NKAIN3: variants seen among roughly 807,000 people sequenced by gnomAD.
NKAIN3 encodes sodium/potassium transporting ATPase interacting 3.
NKAIN3 carries 25 observed loss-of-function variants against 30.2 expected under a neutral mutation model. That is an observed-to-expected ratio of 0.83 (90% CI 0.60 to 1.16). The LOEUF is 1.16. Among genes scored for constraint, NKAIN3 ranks in the 50% most tolerant of loss-of-function variants. NKAIN3 has a pLI of 0.00. For synonymous variants in NKAIN3, 91 were observed against 89.6 expected, an observed-to-expected ratio of 1.02 and a Z score of -0.09; for missense variants, 225 against 254.1, an observed-to-expected ratio of 0.89 and a Z score of 0.78.
intron 1 of NKAIN3, among the ~76,000 whole-genome samples, chr8:62,384,896 G>A (rs530931057): frequency 1.5e-4 from 23 of 152,232 alleles, no homozygotes; most frequent in Non-Finnish European, 2.6e-4. Flanking sequence ...AGATGTATAA[G>A]ATATCATTGT....
intron 4 of NKAIN3, chr8:62,862,969 A>G (rs1300480699): frequency 2.1e-6 from 1 of 468,900 alleles, no homozygotes; most frequent in Non-Finnish European, 3.9e-6. Flanking sequence ...GTGTATGCAT[A>G]TATGTGTGTG....
intron 4 of NKAIN3, among the ~76,000 whole-genome samples, chr8:62,787,688 C>A (rs1817567250): frequency 6.6e-6 from 1 of 152,138 alleles, no homozygotes; most frequent in African/African-American, 2.4e-5. Flanking sequence ...ACTTCCCCCA[C>A]CCCACAACAG....
intron 4 of NKAIN3, among the ~76,000 whole-genome samples, chr8:62,890,436 A>C (rs1368252905): frequency 6.6e-6 from 1 of 152,226 alleles, no homozygotes; most frequent in Non-Finnish European, 1.5e-5. Flanking sequence ...TGCAGGTCAC[A>C]ATTCTCTGTT....
intron 3 of NKAIN3, among the ~76,000 whole-genome samples, chr8:62,656,408 G>A (rs1459004798): frequency 7.3e-5 from 11 of 151,722 alleles, no homozygotes; most frequent in African/African-American, 2.4e-4. Context: ...AAACCTGCAC[G>A]TTGTGCACAT....
intron 3 of NKAIN3, among the ~76,000 whole-genome samples, chr8:62,697,503 C>G (rs950173531): frequency 1.3e-5 from 2 of 152,128 alleles, no homozygotes; most frequent in East Asian, 3.9e-4. Flanking sequence ...CTTCGTCCAC[C>G]TCCACTGAAT....
At chr8:62,674,727 T>C (rs775985454) in intron 3 of NKAIN3, among the ~76,000 whole-genome samples, 9 of 152,148 alleles carry the variant, frequency 5.9e-5, no homozygotes, top group Non-Finnish European at 1.3e-4. Flanking sequence ...CAAATCTCTG[T>C]AAATGGGGAG....
intron 1 of NKAIN3, among the ~76,000 whole-genome samples, chr8:62,504,294 T>A (rs1807562823): frequency 6.6e-6 from 1 of 152,220 alleles, no homozygotes; most frequent in Admixed American, 6.5e-5. Context: ...ACCACTGCTA[T>A]AAAACCTACT....
At chr8:62,300,926 G>A (rs1006941409) in intron 1 of NKAIN3, among the ~76,000 whole-genome samples, 2 of 152,010 alleles carry the variant, frequency 1.3e-5, no homozygotes, top group African/African-American at 4.8e-5. Context: ...AAATTAGAGT[G>A]AAAAACACAG....
At chr8:62,376,456 T>C (rs1817087372) in intron 1 of NKAIN3, among the ~76,000 whole-genome samples, 1 of 152,202 alleles carries the variant, frequency 6.6e-6, no homozygotes, top group South Asian at 2.1e-4. Context: ...AGTCTGCTAG[T>C]CTTTTCAAGT....
In NKAIN3 at chr8:62,783,605, CTT is replaced by C. The variant is rs386412917; in HGVS notation, c.471+36495_471+36496del. ...TTAACAGCAGAAACAGCAGAATACA[CTT>C]TTTTTTTTTTTTTTTTTTGAGACAG... On this transcript the variant is annotated intron_variant, in intron 4 of 6. Coordinates refer to ENST00000623646, the MANE Select transcript of NKAIN3 (RefSeq NM_001304533.3). Among the ~76,000 whole-genome samples the C allele has an allele frequency of 3.5e-3, 420 of 121,420 alleles. 1 individual carries two copies. Among genetic ancestry groups the C allele is most frequent in the African/African-American group, 8.9e-3 (284 of 31,772 alleles). 79.7% of individuals were successfully genotyped at this position (121,420 alleles called of 152,430 possible).
chr8:62,416,631 CCCT>C (rs1804451885), intron 1 of NKAIN3, among the ~76,000 whole-genome samples: 1 of 152,068 alleles, frequency 6.6e-6, no homozygotes, highest in East Asian at 1.9e-4. Flanking sequence ...GATATCCATC[CCCT>C]CAAGTATTTA....
chr8:62,309,851 G>A (rs1184700549), intron 1 of NKAIN3, among the ~76,000 whole-genome samples: 2 of 150,358 alleles, frequency 1.3e-5, no homozygotes, highest in African/African-American at 5.0e-5. Flanking sequence ...AAAGTTCTAG[G>A]CAAATGTGTA....
At chr8:62,877,853 C>A (rs936875685) in intron 4 of NKAIN3, among the ~76,000 whole-genome samples, 1 of 151,944 alleles carries the variant, frequency 6.6e-6, no homozygotes, top group Non-Finnish European at 1.5e-5. Flanking sequence ...CCAGCCTGAC[C>A]AACATGAAGA....
intron 3 of NKAIN3, among the ~76,000 whole-genome samples, chr8:62,618,033 C>T (rs1356591394): frequency 8.5e-5 from 13 of 152,288 alleles, no homozygotes; most frequent in East Asian, 7.7e-4. Flanking sequence ...TGGAATTATT[C>T]GAAAGATTAT....
At chr8:62,346,808 A>T (rs1816021575) in intron 1 of NKAIN3, among the ~76,000 whole-genome samples, 1 of 152,134 alleles carries the variant, frequency 6.6e-6, no homozygotes, top group African/African-American at 2.4e-5. Flanking sequence ...GATTTATGGA[A>T]AAGACAGGGT....
chr8:62,832,556 A>G (rs1308658407), intron 4 of NKAIN3, among the ~76,000 whole-genome samples: 2 of 151,684 alleles, frequency 1.3e-5, no homozygotes, highest in African/African-American at 2.4e-5. Flanking sequence ...GTTGGAGTAA[A>G]CATTATCATT....
intron 1 of NKAIN3, among the ~76,000 whole-genome samples, chr8:62,302,181 C>T (rs138273185): frequency 3.3e-5 from 5 of 152,138 alleles, no homozygotes; most frequent in Non-Finnish European, 7.4e-5. Flanking sequence ...ATTTCAGGTT[C>T]GGCAAATGGG....
chr8:62,574,982 A>T (rs2130037650), intron 1 of NKAIN3, among the ~76,000 whole-genome samples: 2 of 152,228 alleles, frequency 1.3e-5, no homozygotes, highest in Middle Eastern at 3.4e-3. Flanking sequence ...CAACAAATAA[A>T]AGCCATATAC....
intron 1 of NKAIN3, among the ~76,000 whole-genome samples, chr8:62,527,269 A>G (rs945073070): frequency 6.6e-6 from 1 of 152,178 alleles, no homozygotes; most frequent in Admixed American, 6.5e-5. Flanking sequence ...AATGGAGCAG[A>G]CAAATCAGAT....
Sources: allele counts gnomAD v4.1 joint callset (sites outside exome capture counted in the v4.1 genomes callset), GRCh38; gene constraint gnomAD v4.1.1; transcripts MANE v1.5; gene names NCBI Gene and HGNC (gene_info 2026-07-23, HGNC 2026-07-21).